The following LARGE1 variants were observed in gnomAD, a reference collection of about 807,000 sequenced individuals.
LARGE1 encodes LARGE xylosyl- and glucuronyltransferase 1.
In LARGE1, 43 loss-of-function variants were observed where a neutral mutation model predicts 87.6. The ratio of observed to expected loss-of-function variants is 0.49; its 90% confidence interval spans 0.38 to 0.63. The LOEUF is 0.63. Among genes scored for constraint, LARGE1 ranks in the 30% least tolerant of loss-of-function variants. LARGE1 has a pLI of 0.00. For missense variants in LARGE1, 802 were observed against 1,000.2 expected (o/e 0.80, Z 2.67); for synonymous variants, 434 against 394.6 (o/e 1.10, Z -1.18).
At chr22:33,507,073 G>C (rs955941076) in intron 6 of LARGE1, among the ~76,000 whole-genome samples, 1 of 152,126 alleles carries the variant, frequency 6.6e-6, no homozygotes, top group Non-Finnish European at 1.5e-5. Flanking sequence ...GGTCATGATG[G>C]TGTCACATGC....
chr22:33,461,874 C>T (rs2068397032), intron 6 of LARGE1, among the ~76,000 whole-genome samples: 1 of 151,998 alleles, frequency 6.6e-6, no homozygotes, highest in Non-Finnish European at 1.5e-5. Context: ...ATAGCAGGAA[C>T]CAACTTGACA....
chr22:33,317,226 C>T (rs1460135569), intron 10 of LARGE1, among the ~76,000 whole-genome samples: 2 of 151,894 alleles, frequency 1.3e-5, no homozygotes, highest in African/African-American at 2.4e-5. Context: ...AACAAACAAA[C>T]AAACAAACAA....
chr22:33,797,540 C>T (rs922243051), intron 1 of LARGE1, among the ~76,000 whole-genome samples: 9 of 152,296 alleles, frequency 5.9e-5, no homozygotes, highest in African/African-American at 9.6e-5. Flanking sequence ...GAGGAGCCAA[C>T]GGTGGTTGGA....
chr22:33,564,144 C>T (rs1003545648), intron 6 of LARGE1, among the ~76,000 whole-genome samples: 1 of 152,042 alleles, frequency 6.6e-6, no homozygotes, highest in South Asian at 2.1e-4. Context: ...TTGTACTCAT[C>T]CAGTATAGAA....
chr22:33,166,705 T>C, exon 12 of LARGE1: 12 of 469,714 alleles, frequency 2.6e-5, no homozygotes, highest in Non-Finnish European at 4.4e-6. Flanking sequence ...GCTGTAAAAT[T>C]AGGGCTCATG....
At chr22:33,717,023 T>C (rs1165978096) in intron 2 of LARGE1, among the ~76,000 whole-genome samples, 1 of 152,212 alleles carries the variant, frequency 6.6e-6, no homozygotes, top group Non-Finnish European at 1.5e-5. Context: ...TTATTGGAAA[T>C]GACAAATGAT....
chr22:33,598,283 A>G (rs781081862), intron 5 of LARGE1, among the ~76,000 whole-genome samples: 5 of 152,240 alleles, frequency 3.3e-5, no homozygotes, highest in Non-Finnish European at 7.3e-5. Flanking sequence ...CTTTGTATGT[A>G]CAATGGGAAT....
chr22:33,588,254 AG>A (rs889772030), intron 5 of LARGE1, among the ~76,000 whole-genome samples: 6 of 152,246 alleles, frequency 3.9e-5, no homozygotes, highest in African/African-American at 1.4e-4. Flanking sequence ...CATGCATCAA[AG>A]GTATTTAACA....
intron 11 of LARGE1, among the ~76,000 whole-genome samples, chr22:33,239,017 A>C (rs535604571): frequency 6.6e-6 from 1 of 152,226 alleles, no homozygotes; most frequent in Non-Finnish European, 1.5e-5. Context: ...AGATCAAATC[A>C]AAGTTATCTT....
At chr22:33,829,006 C>CTTTTT (rs776583343) in intron 1 of LARGE1, among the ~76,000 whole-genome samples, 82 of 94,786 alleles carry the variant, frequency 8.7e-4, no homozygotes, top group African/African-American at 1.4e-3. Flanking sequence ...GTCTCTTTTT[C>CTTTTT]TTTTTTTTTT....
At chr22:33,879,097 C>T (rs537966101) in intron 1 of LARGE1, among the ~76,000 whole-genome samples, 2 of 152,068 alleles carry the variant, frequency 1.3e-5, no homozygotes, top group Non-Finnish European at 2.9e-5. Flanking sequence ...CTCAGCCTCC[C>T]GAGTAGCTGG....
At chr22:33,152,374 C>T in the LARGE1 span, among the ~76,000 whole-genome samples, 1 of 152,212 alleles carries the variant, frequency 6.6e-6, no homozygotes, top group East Asian at 1.9e-4. Flanking sequence ...AATGTTTCCA[C>T]TCCTTGCCTC....
At chr22:33,258,080 G>A (rs1279115403) in intron 11 of LARGE1, among the ~76,000 whole-genome samples, 1 of 152,166 alleles carries the variant, frequency 6.6e-6, no homozygotes, top group Non-Finnish European at 1.5e-5. Context: ...CCAGGCTGGA[G>A]TGCAGTGATA....
intron 1 of LARGE1, among the ~76,000 whole-genome samples, chr22:33,868,325 T>C (rs112479171): frequency 2.5e-4 from 38 of 152,312 alleles, no homozygotes; most frequent in African/African-American, 8.9e-4. Context: ...GTGGCTTTTA[T>C]ACATGTACTA....
At chr22:33,734,627 A>G (rs1436497430) in intron 2 of LARGE1, among the ~76,000 whole-genome samples, 1 of 152,144 alleles carries the variant, frequency 6.6e-6, no homozygotes. Context: ...GGGAAATTGC[A>G]TGGAAGCCCT....
intron 11 of LARGE1, among the ~76,000 whole-genome samples, chr22:33,198,636 GAC>G (rs71187250): frequency 0.049 from 6,785 of 137,622 alleles, 259 homozygotes; most frequent in South Asian, 0.2. Flanking sequence ...TATACACCGT[GAC>G]ACACACACAC....
rs538780990 is a variant in LARGE1, at chr22:33,874,994, A to G, written c.-83+45001T>C. Among the ~76,000 whole-genome samples the G allele has an allele frequency of 2.0e-4, 31 of 152,360 alleles. No homozygotes were observed. The East Asian group carries it at 5.8e-3, about 28-fold the overall frequency. ...AAGATGACATGACTAAGCAGAGGAT[A>G]CAGGATTCACCCCAGGCAGTCTAGC... On this transcript the variant is annotated intron_variant, in intron 1 of 14. Coordinates refer to ENST00000397394, the MANE Select transcript of LARGE1 (RefSeq NM_133642.5).
intron 6 of LARGE1, among the ~76,000 whole-genome samples, chr22:33,471,435 T>G (rs928613432): frequency 2.0e-5 from 3 of 152,200 alleles, no homozygotes; most frequent in Non-Finnish European, 2.9e-5. Context: ...ATACCTCTTA[T>G]TATAACTGTT....
chr22:33,552,278 A>G (rs931499878), intron 6 of LARGE1, among the ~76,000 whole-genome samples: 20 of 152,242 alleles, frequency 1.3e-4, no homozygotes, highest in Non-Finnish European at 2.2e-4. Flanking sequence ...TCTTCCTGAT[A>G]TTCTCAAAGA....
Sources: gnomAD v4.1 joint callset for allele counts (sites outside exome capture counted in the v4.1 genomes callset) on GRCh38, gnomAD v4.1.1 for gene constraint, MANE v1.5 for transcripts, NCBI Gene and HGNC (gene_info 2026-07-23, HGNC 2026-07-21) for gene names.